Variants in MYO16 observed in about 807,000 individuals in gnomAD.
The protein encoded by MYO16 is myosin XVI.
MYO16 carries 94 observed loss-of-function variants against 205.3 expected under a neutral mutation model. The observed-to-expected ratio is 0.46, with a 90% CI of 0.39 to 0.54. MYO16 has a LOEUF of 0.54. Ranked by LOEUF, MYO16 falls within the 20% of genes least tolerant of loss-of-function variation. The pLI, the probability that MYO16 is intolerant of heterozygous loss-of-function variation, is 0.00. For missense variants in MYO16, 2,315 were observed against 2,387.5 expected (o/e 0.97, Z 0.63); for synonymous variants, 988 against 954.0 (o/e 1.04, Z -0.66).
intron 34 of MYO16, among the ~76,000 whole-genome samples, chr13:109,188,417 A>T (rs575573338): frequency 2.0e-5 from 3 of 152,200 alleles, no homozygotes; most frequent in African/African-American, 4.8e-5. Flanking sequence ...TCTGTAGGCA[A>T]CATAACAGAT....
At chr13:109,081,158 G>C (rs1049989869) in intron 27 of MYO16, among the ~76,000 whole-genome samples, 3 of 151,962 alleles carry the variant, frequency 2.0e-5, no homozygotes, top group Non-Finnish European at 4.4e-5. Flanking sequence ...TTATTCACTT[G>C]GTTAAAACTA....
At chr13:109,084,737 CCTTT>C (rs1888385682) in intron 27 of MYO16, among the ~76,000 whole-genome samples, 1 of 151,850 alleles carries the variant, frequency 6.6e-6, no homozygotes, top group Non-Finnish European at 1.5e-5. Context: ...TCCCTTCCTT[CCTTT>C]TTTTTTATTC....
intron 32 of MYO16, among the ~76,000 whole-genome samples, chr13:109,151,352 G>A (rs949663059): frequency 2.5e-4 from 38 of 152,116 alleles, no homozygotes; most frequent in Non-Finnish European, 5.3e-4. Flanking sequence ...GCAATTAGTG[G>A]CCATTTGCAA....
At chr13:109,139,791 A>G (rs1253315377) in intron 31 of MYO16, among the ~76,000 whole-genome samples, 1 of 152,144 alleles carries the variant, frequency 6.6e-6, no homozygotes, top group Non-Finnish European at 1.5e-5. Context: ...TGGAATTTAC[A>G]GATAACACAA....
chr13:108,998,738 C>T (rs563408161), intron 21 of MYO16, among the ~76,000 whole-genome samples: 215 of 152,246 alleles, frequency 1.4e-3, no homozygotes, highest in African/African-American at 3.9e-3. Flanking sequence ...CCATCAATCG[C>T]GAATCTAGAG....
At chr13:108,986,570 C>CGAGA (rs917259108) in intron 20 of MYO16, among the ~76,000 whole-genome samples, 1 of 144,662 alleles carries the variant, frequency 6.9e-6, no homozygotes, top group Non-Finnish European at 1.5e-5. Context: ...TGTGGTGAGC[C>CGAGA]GAGATGGTGC....
At chr13:108,588,268 A>T in the MYO16 span, among the ~76,000 whole-genome samples, 1 of 152,144 alleles carries the variant, frequency 6.6e-6, no homozygotes, top group Non-Finnish European at 1.5e-5. Context: ...AACGCTGCCT[A>T]TGTGGGAAAG....
At chr13:108,644,259 T>C (rs867898753) in intron 1 of MYO16, among the ~76,000 whole-genome samples, 1 of 152,198 alleles carries the variant, frequency 6.6e-6, no homozygotes, top group African/African-American at 2.4e-5. Flanking sequence ...TGTCTTCCAG[T>C]TTCTGATTTC....
intron 1 of MYO16, among the ~76,000 whole-genome samples, chr13:108,619,022 C>A (rs1463269966): frequency 6.6e-6 from 1 of 152,094 alleles, no homozygotes; most frequent in Non-Finnish European, 1.5e-5. Context: ...TTTCTATTAT[C>A]ATAATTTTTT....
At chr13:109,139,166 G>C (rs1016704262) in intron 31 of MYO16, among the ~76,000 whole-genome samples, 1 of 152,120 alleles carries the variant, frequency 6.6e-6, no homozygotes, top group South Asian at 2.1e-4. Context: ...TGTTGGCCAG[G>C]ATGGTCTCTA....
At chr13:108,560,760 T>C in the MYO16 span, among the ~76,000 whole-genome samples, 1 of 152,208 alleles carries the variant, frequency 6.6e-6, no homozygotes, top group Non-Finnish European at 1.5e-5. Flanking sequence ...TTAGATGACA[T>C]TTATAAATTA....
chr13:109,149,357 G>A (rs1877523039), intron 32 of MYO16, among the ~76,000 whole-genome samples: 1 of 152,150 alleles, frequency 6.6e-6, no homozygotes, highest in East Asian at 1.9e-4. Context: ...GCGTCTCAGT[G>A]AGGCGGGTAA....
intron 13 of MYO16, among the ~76,000 whole-genome samples, chr13:108,886,188 C>T (rs894092589): frequency 6.6e-6 from 1 of 152,034 alleles, no homozygotes; most frequent in African/African-American, 2.4e-5. Context: ...GAGGTTTCAC[C>T]GTGTTAGCCA....
At chr13:109,153,380 T>C (rs1166420997) in intron 32 of MYO16, among the ~76,000 whole-genome samples, 1 of 131,468 alleles carries the variant, frequency 7.6e-6, no homozygotes, top group Non-Finnish European at 1.7e-5. Flanking sequence ...GGAGTAACTG[T>C]ATCAGAATAG....
chr13:108,632,937 G>A (rs1415363113), intron 1 of MYO16, among the ~76,000 whole-genome samples: 12 of 152,124 alleles, frequency 7.9e-5, no homozygotes, highest in East Asian at 1.9e-4. Flanking sequence ...GAACTGAAGC[G>A]GAGGCTTGAG....
intron 14 of MYO16, among the ~76,000 whole-genome samples, chr13:108,894,616 C>G (rs907930481): frequency 6.6e-6 from 1 of 152,104 alleles, no homozygotes; most frequent in Non-Finnish European, 1.5e-5. Flanking sequence ...TGATTATATG[C>G]AGGTCAAACA....
chr13:108,761,121 T>TGAGA (rs1885594469), intron 4 of MYO16, among the ~76,000 whole-genome samples: 1 of 152,112 alleles, frequency 6.6e-6, no homozygotes, highest in Non-Finnish European at 1.5e-5. Flanking sequence ...AACCAATAAA[T>TGAGA]GAGAGAGATA....
intron 1 of MYO16, among the ~76,000 whole-genome samples, chr13:108,615,340 T>A (rs1193364117): frequency 6.6e-6 from 1 of 152,138 alleles, no homozygotes; most frequent in African/African-American, 2.4e-5. Flanking sequence ...GAAACCCTAA[T>A]ACACTGGTAG....
chr13:108,500,423 T>C, the MYO16 span, among the ~76,000 whole-genome samples: 2 of 151,280 alleles, frequency 1.3e-5, no homozygotes, highest in East Asian at 1.9e-4. Flanking sequence ...AGAGATGGGG[T>C]TTCACTGTGT....
Sources: allele counts gnomAD v4.1 joint callset (sites outside exome capture counted in the v4.1 genomes callset), GRCh38; gene constraint gnomAD v4.1.1; transcripts MANE v1.5; gene names NCBI Gene and HGNC (gene_info 2026-07-23, HGNC 2026-07-21).